The following SDR16C5 variants were observed in gnomAD, a reference collection of about 807,000 sequenced individuals.
SDR16C5 encodes the protein short chain dehydrogenase/reductase family 16C member 5.
Under a neutral mutation model 27.7 loss-of-function variants are expected in SDR16C5, and 20 were observed. That is an observed-to-expected ratio of 0.72 (90% CI 0.51 to 1.05). SDR16C5 has a LOEUF of 1.05. Among genes scored for constraint, SDR16C5 ranks in the 50% least tolerant of loss-of-function variants. The pLI, the probability that SDR16C5 is intolerant of heterozygous loss-of-function variation, is 0.00. For missense variants in SDR16C5, 374 were observed against 366.3 expected (o/e 1.02, Z -0.17); for synonymous variants, 139 against 132.3 (o/e 1.05, Z -0.35).
At position 56,307,262 on chromosome 8, in the gene SDR16C5, G is replaced by A. The variant is rs1563439681; in HGVS notation, c.566-442C>T. The stretch of plus-strand genomic sequence containing the variant: ...GCATGGGTTGTGATTCTCAGATGAA[G>A]TTTTCTTCCAACTATAACTCTTTCC... On this transcript the variant is annotated intron_variant, in intron 4 of 6. Transcript: ENST00000303749. 4.6e-5 allele frequency among the ~76,000 whole-genome samples: 7 copies of A among 151,858 alleles called. No individual in the cohort carries two copies. In the South Asian group the frequency reaches 1.5e-3, roughly 32 times the overall value.
intron 5 of SDR16C5, 50 bp downstream of exon 5, chr8:56,306,625 GC>G (rs2129257854): frequency 6.9e-7 from 1 of 1,458,084 alleles, no homozygotes; most frequent in Admixed American, 2.3e-5. Context: ...AAATAAAATA[GC>G]AAAACATTTT....
chr8:56,319,412 T>C lies in SDR16C5; in HGVS notation c.-15+647A>G, dbSNP rs545839629. ...CCCTGGCTATATCAATTAAATATGG[T>C]TATAGTATACTTACAAACAAGAGTG... On this transcript the variant is annotated intron_variant, in intron 1 of 6. Transcript: ENST00000303749. 2.6e-5 allele frequency among the ~76,000 whole-genome samples: 4 copies of C among 152,356 alleles called. No homozygotes were observed. The South Asian group carries it at 8.3e-4, about 32-fold the overall frequency.
intron 1 of SDR16C5, among the ~76,000 whole-genome samples, chr8:56,319,279 G>T (rs1242308493): frequency 6.6e-6 from 1 of 152,170 alleles, no homozygotes. Flanking sequence ...ATGTGGCACA[G>T]CCATAAAACA....
In SDR16C5 at chr8:56,316,027, TCTATACA is replaced by T. The variant is rs764566437; in HGVS notation, c.314_320del (p.Val105GlufsTer2). On this transcript the variant is annotated frameshift_variant, in exon 2 of 7. Coordinates refer to ENST00000303749, the MANE Select transcript of SDR16C5 (RefSeq NM_138969.4). LOFTEE classifies it high-confidence loss of function. ...ACACAAGAGTTACCTGGTCGGCTAC[TCTATACA>T]CTCCTTCCTTTTGGCTGCAATCGCA... is the stretch of plus-strand genomic sequence containing the variant. 4.3e-5 allele frequency: 70 copies of T among 1,612,804 alleles called. 2 individuals carry two copies. The South Asian group carries it at 7.6e-4, about 17-fold the overall frequency.
chr8:56,313,825 G>A (rs1815113148), intron 2 of SDR16C5, among the ~76,000 whole-genome samples: 1 of 152,176 alleles, frequency 6.6e-6, no homozygotes, highest in Admixed American at 6.5e-5. Context: ...AGCTTTCAAA[G>A]TTATTGGAGA....
In SDR16C5 at chr8:56,319,596, C is replaced by T. The variant is rs185941668; in HGVS notation, c.-15+463G>A. On this transcript the variant is annotated intron_variant, in intron 1 of 6. Transcript: ENST00000303749. ...ATACCAGTGCGCGGCAGCAAGTCGGCTCTGGTGAGGGCACCCGGACGAAAC... is the reference window on the plus strand; with the variant it reads ...ATACCAGTGCGCGGCAGCAAGTCGGTTCTGGTGAGGGCACCCGGACGAAAC... Among the ~76,000 whole-genome samples, 344 of 152,308 alleles carry T rather than the reference C, an allele frequency of 2.3e-3. 1 individual carries two copies. Among genetic ancestry groups the T allele is most frequent in the African/African-American group, 8.2e-3 (340 of 41,576 alleles).
intron 5 of SDR16C5, among the ~76,000 whole-genome samples, chr8:56,306,134 G>A (rs997754796): frequency 6.6e-6 from 1 of 152,148 alleles, no homozygotes; most frequent in Non-Finnish European, 1.5e-5. Flanking sequence ...CCAATGTGAC[G>A]GCATTTGGAG....
At chr8:56,302,668 A>G (rs7828535) in intron 6 of SDR16C5, among the ~76,000 whole-genome samples, 146,328 of 147,260 alleles carry the variant, frequency 0.99, 72,704 homozygotes, top group East Asian at 1. Flanking sequence ...GCAAGAGTCC[A>G]TCTCAAAAAA....
Position 56,306,800 on chromosome 8 carries a change from C to G in SDR16C5, c.586G>C (p.Ala196Pro), listed in dbSNP as rs1431372829. The change falls in exon 5 of 7, where the codon GCA becomes CCA. Residue 196 changes from alanine to proline, a missense_variant. Physicochemically the swap from Ala to Pro is conservative, Grantham distance 27. Transcript: ENST00000303749. The stretch of plus-strand genomic sequence containing the variant: ...ACAGATTCAGCAAACCCAAAGGCTG[C>G]AAATTTACTTGCACAGTAATCTGAA... ...GLADYCASKF[A>P]AFGFAESVFV... 1 of 1,610,992 alleles carries G rather than the reference C, an allele frequency of 6.2e-7. No homozygotes were observed.
intron 4 of SDR16C5, among the ~76,000 whole-genome samples, chr8:56,308,378 T>C (rs1814938768): frequency 6.6e-6 from 1 of 152,162 alleles, no homozygotes; most frequent in Non-Finnish European, 1.5e-5. Context: ...TGGTTGAGGG[T>C]CTTGAAGGAT....
intron 3 of SDR16C5, chr8:56,309,435 C>T (rs1205362616): frequency 1.0e-6 from 1 of 985,236 alleles, no homozygotes; most frequent in African/African-American, 1.7e-5. Context: ...GAACATTGTT[C>T]ACAGGACATC....
chr8:56,315,936 G>T, intron 2 of SDR16C5, 79 bp downstream of exon 2: 1 of 935,618 alleles, frequency 1.1e-6, no homozygotes, highest in South Asian at 1.5e-5. Flanking sequence ...ACTGGAGACA[G>T]GCTAATAGGC....
intron 3 of SDR16C5, among the ~76,000 whole-genome samples, chr8:56,311,794 G>C (rs1490216310): frequency 6.6e-6 from 1 of 152,230 alleles, no homozygotes; most frequent in African/African-American, 2.4e-5. Context: ...TCCTGTCTAA[G>C]TGCAGTTGCT....
Position 56,318,140 on chromosome 8 carries a change from G to C in SDR16C5, c.-14-1779C>G, listed in dbSNP as rs114335959. Reference sequence around the variant, plus strand: ...TGGGAGGTAGGGATATTGAGCAGTAGCTTTCCTGGCAGAGGGACAAAATAG... The same window carrying C: ...TGGGAGGTAGGGATATTGAGCAGTACCTTTCCTGGCAGAGGGACAAAATAG... On this transcript the variant is annotated intron_variant, in intron 1 of 6. Transcript: ENST00000303749. Among the ~76,000 whole-genome samples the C allele has an allele frequency of 4.9e-3, 751 of 152,280 alleles. 9 individuals are homozygous for C. Among genetic ancestry groups the C allele is most frequent in the African/African-American group, 0.017 (720 of 41,548 alleles).
At chr8:56,315,245 CA>C (rs5891608) in intron 2 of SDR16C5, among the ~76,000 whole-genome samples, 275 of 130,612 alleles carry the variant, frequency 2.1e-3, no homozygotes, top group Middle Eastern at 4.1e-3. Context: ...AACTCCATCT[CA>C]AAAAAAAAAA....
chr8:56,314,972 C>T (rs1230877466), intron 2 of SDR16C5, among the ~76,000 whole-genome samples: 1 of 152,140 alleles, frequency 6.6e-6, no homozygotes, highest in Non-Finnish European at 1.5e-5. Flanking sequence ...AGGACGGGCA[C>T]AGTGGCTCAT....
chr8:56,304,430 G>A (rs1814831472), intron 6 of SDR16C5, among the ~76,000 whole-genome samples: 1 of 152,192 alleles, frequency 6.6e-6, no homozygotes, highest in Non-Finnish European at 1.5e-5. Flanking sequence ...ACAGGAATCA[G>A]CAGCTCACCA....
intron 2 of SDR16C5, among the ~76,000 whole-genome samples, chr8:56,315,590 C>T (rs1479840085): frequency 6.6e-6 from 1 of 152,094 alleles, no homozygotes; most frequent in Non-Finnish European, 1.5e-5. Context: ...ATCTCGAGTC[C>T]TTATTCTTAA....
chr8:56,314,061 G>T (rs559828384), intron 2 of SDR16C5, among the ~76,000 whole-genome samples: 2 of 152,240 alleles, frequency 1.3e-5, no homozygotes, highest in South Asian at 4.1e-4. Flanking sequence ...ACAAAAATTA[G>T]CTGGGCGTGG....
Sources: gnomAD v4.1 joint callset for allele counts (sites outside exome capture counted in the v4.1 genomes callset) on GRCh38, gnomAD v4.1.1 for gene constraint, MANE v1.5 for transcripts, NCBI Gene and HGNC (gene_info 2026-07-23, HGNC 2026-07-21) for gene names.